Variants in PLEKHA8 observed in about 807,000 individuals in gnomAD.
PLEKHA8 encodes pleckstrin homology domain containing A8, also known as pleckstrin homology domain-containing family A member 8.
PLEKHA8 carries 36 observed loss-of-function variants against 68.2 expected under a neutral mutation model. The observed-to-expected ratio is 0.53, with a 90% CI of 0.40 to 0.70. PLEKHA8 has a LOEUF of 0.70. PLEKHA8 is among the 30% of genes least tolerant of loss of function. PLEKHA8 has a pLI of 0.00. For synonymous variants in PLEKHA8, 211 were observed against 216.1 expected (o/e 0.98, Z 0.20); for missense variants, 505 against 615.4 (o/e 0.82, Z 1.90).
At chr7:30,124,517 T>A (rs1336647632) in intron 13 of PLEKHA8, among the ~76,000 whole-genome samples, 1 of 152,166 alleles carries the variant, frequency 6.6e-6, no homozygotes, top group African/African-American at 2.4e-5. Context: ...AGCTCCATAA[T>A]CTGTTGAAAT....
chr7:30,064,228 T>C (rs866443596), intron 12 of PLEKHA8, among the ~76,000 whole-genome samples: 1 of 140,024 alleles, frequency 7.1e-6, no homozygotes, highest in African/African-American at 2.5e-5. Flanking sequence ...AGTAGGTGCA[T>C]GTGCATGTGA....
chr7:30,056,278 TTCTCTCTCTCTC>T (rs761685260), intron 9 of PLEKHA8, among the ~76,000 whole-genome samples: 16 of 56,408 alleles, frequency 2.8e-4, no homozygotes, highest in East Asian at 2.5e-3. Context: ...TAAAGATATA[TTCTCTCTCTCTC>T]TCTCTCTCTC....
At chr7:30,039,449 A>C (rs1476543718) in intron 1 of PLEKHA8, among the ~76,000 whole-genome samples, 1 of 152,186 alleles carries the variant, frequency 6.6e-6, no homozygotes, top group Non-Finnish European at 1.5e-5. Context: ...CGGGAGGCGG[A>C]GATGGCAGTG....
chr7:30,055,220 T>G, intron 8 of PLEKHA8, 37 bp from the exon 9 acceptor site: 1 of 1,571,354 alleles, frequency 6.4e-7, no homozygotes, highest in East Asian at 2.2e-5. Context: ...ATACTGTATT[T>G]TCAATCTTTT....
In PLEKHA8 at chr7:30,118,734, C is replaced by T. The variant is rs1401255714; in HGVS notation, c.1363-10532C>T. Among the ~76,000 whole-genome samples the T allele has an allele frequency of 2.0e-5, 3 of 152,220 alleles. No homozygotes were observed. In the East Asian group the frequency reaches 5.8e-4, roughly 29 times the overall value. ...CTGGGACTACAGGCGCCCGCCGCCA[C>T]GCCTGGCTAATTTTTTGTATTTTTA... On this transcript the variant is annotated intron_variant, in intron 13 of 13. Coordinates refer to the PLEKHA8 transcript ENST00000396257.
chr7:30,101,185 A>AG (rs1362938466), intron 13 of PLEKHA8, among the ~76,000 whole-genome samples: 1 of 152,006 alleles, frequency 6.6e-6, no homozygotes, highest in Non-Finnish European at 1.5e-5. Flanking sequence ...TGGGGGAAAA[A>AG]AAAAAAAGAA....
At chr7:30,045,686 G>A (rs576097432) in intron 2 of PLEKHA8, among the ~76,000 whole-genome samples, 34 of 151,942 alleles carry the variant, frequency 2.2e-4, no homozygotes, top group African/African-American at 7.5e-4. Context: ...GGGAATTTAG[G>A]TAGTGGATGT....
intron 6 of PLEKHA8, chr7:30,050,802 G>C (rs17326222): frequency 5.7e-6 from 1 of 174,258 alleles, no homozygotes; most frequent in Non-Finnish European, 1.2e-5. Context: ...TTGTTTTAAG[G>C]GTGCTTTTAT....
chr7:30,114,659 C>T (rs1003243875), intron 13 of PLEKHA8, among the ~76,000 whole-genome samples: 4 of 152,146 alleles, frequency 2.6e-5, no homozygotes, highest in African/African-American at 9.7e-5. Context: ...TTTTGTCCTC[C>T]TGCATTTCAT....
intron 7 of PLEKHA8, among the ~76,000 whole-genome samples, chr7:30,054,126 T>C (rs1792634315): frequency 6.6e-6 from 1 of 152,092 alleles, no homozygotes; most frequent in Non-Finnish European, 1.5e-5. Flanking sequence ...TGCACAAACA[T>C]GCATAAAATG....
At chr7:30,039,296 C>T (rs1419189378) in intron 1 of PLEKHA8, among the ~76,000 whole-genome samples, 1 of 152,154 alleles carries the variant, frequency 6.6e-6, no homozygotes, top group African/African-American at 2.4e-5. Flanking sequence ...GGGTGGATCA[C>T]CTGAGGTCAG....
chr7:30,125,794 G>A (rs1796762276), intron 13 of PLEKHA8, among the ~76,000 whole-genome samples: 2 of 151,992 alleles, frequency 1.3e-5, no homozygotes, highest in South Asian at 2.1e-4. Flanking sequence ...GGTATATTAT[G>A]TCTCATAATT....
At chr7:30,054,984 C>A in intron 8 of PLEKHA8, 119 bp downstream of exon 8, 1 of 999,310 alleles carries the variant, frequency 1.0e-6, no homozygotes, top group Non-Finnish European at 1.5e-6. Context: ...TGTGGTATAC[C>A]AAGTACCTGC....
intron 13 of PLEKHA8, among the ~76,000 whole-genome samples, chr7:30,096,453 A>T (rs1473424183): frequency 6.6e-6 from 1 of 152,184 alleles, no homozygotes; most frequent in Non-Finnish European, 1.5e-5. Context: ...CTAGATATAC[A>T]ATCATGTCAT....
intron 13 of PLEKHA8, among the ~76,000 whole-genome samples, chr7:30,123,921 A>G (rs1293281817): frequency 6.6e-6 from 1 of 152,256 alleles, no homozygotes; most frequent in African/African-American, 2.4e-5. Flanking sequence ...AGTGAGGTAT[A>G]ATACCAAAAC....
intron 13 of PLEKHA8, among the ~76,000 whole-genome samples, chr7:30,121,456 C>A (rs1489177587): frequency 6.6e-6 from 1 of 152,120 alleles, no homozygotes; most frequent in South Asian, 2.1e-4. Flanking sequence ...TGGTGAAACC[C>A]CCTCTCTACT....
rs779076462 is a variant in PLEKHA8, at chr7:30,054,752, A to G, written c.840A>G (p.Lys280=). The change falls in exon 8 of 14, where the codon AAA becomes AAG. Residue 280 remains lysine, a synonymous_variant. Coordinates refer to ENST00000449726, the MANE Select transcript of PLEKHA8 (RefSeq NM_001197026.2). ...AGGAAGATGGAATGGAAAACCTGAAAAATCATGACAATAACTTGACTCAGT... is the reference window on the plus strand; with the variant it reads ...AGGAAGATGGAATGGAAAACCTGAAGAATCATGACAATAACTTGACTCAGT... The part of the protein sequence containing the change: ...IRKEDGMENL[K]NHDNNLTQSG... 1 of 1,604,670 alleles carries G rather than the reference A, an allele frequency of 6.2e-7. No individual in the cohort carries two copies. The highest frequency in any genetic ancestry group is 8.5e-7 in the Non-Finnish European group (1 of 1,174,618).
chr7:30,080,024 G>A lies in PLEKHA8; in HGVS notation c.*1237G>A. 1 of 985,106 alleles carries A rather than the reference G, an allele frequency of 1.0e-6. No homozygotes were observed. The highest frequency in any genetic ancestry group is 1.7e-5 in the African/African-American group (1 of 57,222). The allele number at this position is 985,106 out of a possible 1,614,324, so 61.0% of individuals were successfully genotyped here. On this transcript the variant is annotated 3_prime_UTR_variant, in exon 14 of 14. Transcript: ENST00000449726. ...GCCAGCATTGACACCCAGCCAGCAG[G>A]CCTTTGCATTGCATTCGGGGACCAT...
intron 13 of PLEKHA8, 95 bp from the exon 14 acceptor site, chr7:30,078,495 G>A (rs1439482979): frequency 1.6e-6 from 2 of 1,286,220 alleles, no homozygotes; most frequent in Non-Finnish European, 2.2e-6. Context: ...CTGTTTGTAT[G>A]TGTGAAAGTA....
Sources: gnomAD v4.1 joint callset for allele counts (sites outside exome capture counted in the v4.1 genomes callset) on GRCh38, gnomAD v4.1.1 for gene constraint, MANE v1.5 for transcripts, NCBI Gene and HGNC (gene_info 2026-07-23, HGNC 2026-07-21) for gene names.